IGSF11: variants seen among roughly 807,000 people sequenced by gnomAD.
The protein encoded by IGSF11 is immunoglobulin superfamily member 11.
IGSF11 carries 22 observed loss-of-function variants against 41.0 expected under a neutral mutation model. The observed-to-expected ratio is 0.54, with a 90% CI of 0.38 to 0.77. IGSF11 has a LOEUF of 0.77. Among genes scored for constraint, IGSF11 ranks in the 30% least tolerant of loss-of-function variants. The probability of loss-of-function intolerance (pLI) is 0.00; values close to 1 mark genes in which losing one functional copy is unlikely to be tolerated. For synonymous variants in IGSF11, 219 were observed against 201.3 expected, an observed-to-expected ratio of 1.09 and a Z score of -0.74; for missense variants, 444 against 530.8, an observed-to-expected ratio of 0.84 and a Z score of 1.61.
chr3:119,012,893 C>G (rs1161133213), intron 1 of IGSF11: 2 of 152,246 alleles, frequency 1.3e-5, no homozygotes, highest in East Asian at 3.9e-4. Flanking sequence ...AGTTATTCCT[C>G]TATTTAAAAC....
chr3:119,077,124 T>G (rs1023995952), intron 1 of IGSF11, among the ~76,000 whole-genome samples: 2 of 152,166 alleles, frequency 1.3e-5, no homozygotes, highest in Non-Finnish European at 1.5e-5. Context: ...TGTAGGGACA[T>G]GGATGAAGCT....
Position 118,902,563 on chromosome 3 carries a change from G to A in IGSF11, c.1253C>T (p.Pro418Leu). The change falls in exon 7 of 7, where the codon CCT becomes CTT. Residue 418 changes from proline to leucine, a missense_variant. This residue lies in a region of IGSF11 where 223 missense variants were observed against 226.2 expected (regional missense o/e 0.99). Transcript: ENST00000393775. ...HATLERIGAV[P>L]VMVPAQSRAG... ...CCGACTCTGGGCTGGTACCATGACA[G>A]GTACTGCACCAATTCGTTCCAGTGT... 1 of 1,599,520 alleles carries A rather than the reference G, an allele frequency of 6.3e-7. No individual in the cohort carries two copies. Among genetic ancestry groups the A allele is most frequent in the Non-Finnish European group, 8.5e-7 (1 of 1,171,104 alleles).
chr3:119,001,869 C>T (rs76691138), intron 1 of IGSF11, among the ~76,000 whole-genome samples: 8 of 125,198 alleles, frequency 6.4e-5, no homozygotes, highest in South Asian at 5.7e-4. Context: ...TCCAGTCTAT[C>T]GTTGTTGGAC....
At chr3:118,934,841 A>T (rs919046175) in intron 1 of IGSF11, among the ~76,000 whole-genome samples, 2 of 152,094 alleles carry the variant, frequency 1.3e-5, no homozygotes, top group Non-Finnish European at 2.9e-5. Flanking sequence ...CATTTTACCA[A>T]CTAAATTTCT....
intron 1 of IGSF11, among the ~76,000 whole-genome samples, chr3:118,938,076 T>C (rs1461580730): frequency 6.6e-6 from 1 of 152,142 alleles, no homozygotes; most frequent in African/African-American, 2.4e-5. Flanking sequence ...TATGCATATG[T>C]GTATATACAT....
At chr3:118,988,119 C>T (rs1224492471) in intron 1 of IGSF11, among the ~76,000 whole-genome samples, 6 of 152,078 alleles carry the variant, frequency 3.9e-5, no homozygotes, top group Non-Finnish European at 5.9e-5. Context: ...GGGCCAAGAG[C>T]AGCTAATACA....
At chr3:118,949,214 A>C (rs1026073510) in intron 1 of IGSF11, 16 of 152,062 alleles carry the variant, frequency 1.1e-4, no homozygotes, top group African/African-American at 3.9e-4. Flanking sequence ...CAAAACAAAG[A>C]ACAAAGATTT....
intron 1 of IGSF11, among the ~76,000 whole-genome samples, chr3:119,050,447 T>C (rs1367337801): frequency 2.0e-5 from 3 of 152,074 alleles, no homozygotes; most frequent in Non-Finnish European, 4.4e-5. Flanking sequence ...CACAATGAGA[T>C]ACCATCTCAC....
At chr3:118,982,973 C>G (rs1045357225) in intron 1 of IGSF11, among the ~76,000 whole-genome samples, 1 of 152,198 alleles carries the variant, frequency 6.6e-6, no homozygotes, top group African/African-American at 2.4e-5. Context: ...GCAGCCTCCA[C>G]AATCCACATG....
intron 1 of IGSF11, among the ~76,000 whole-genome samples, chr3:119,136,300 G>A (rs562250961): frequency 6.6e-6 from 1 of 151,982 alleles, no homozygotes; most frequent in Non-Finnish European, 1.5e-5. Flanking sequence ...CAAAACAGCA[G>A]GAATCAGTTC....
chr3:118,931,376 T>C (rs1409340937), intron 1 of IGSF11, among the ~76,000 whole-genome samples: 1 of 152,232 alleles, frequency 6.6e-6, no homozygotes, highest in Non-Finnish European at 1.5e-5. Flanking sequence ...GCATTATTTA[T>C]ATCATGTCCT....
chr3:118,950,664 T>C (rs1245662124), intron 1 of IGSF11, among the ~76,000 whole-genome samples: 4 of 152,004 alleles, frequency 2.6e-5, no homozygotes, highest in Non-Finnish European at 4.4e-5. Flanking sequence ...TAATAATGTA[T>C]AAATGATTCC....
chr3:118,920,710 T>C (rs942926044), intron 4 of IGSF11, among the ~76,000 whole-genome samples: 1 of 152,174 alleles, frequency 6.6e-6, no homozygotes, highest in Non-Finnish European at 1.5e-5. Context: ...GGCATAATTA[T>C]AAGAACAAAT....
At chr3:119,032,276 T>G (rs1940477451) in intron 1 of IGSF11, among the ~76,000 whole-genome samples, 1 of 152,198 alleles carries the variant, frequency 6.6e-6, no homozygotes, top group African/African-American at 2.4e-5. Flanking sequence ...CCTCCTGCTA[T>G]TCCACATTGA....
At chr3:119,061,496 C>CTCCAAGT (rs1942050682) in intron 1 of IGSF11, among the ~76,000 whole-genome samples, 1 of 152,256 alleles carries the variant, frequency 6.6e-6, no homozygotes, top group East Asian at 1.9e-4. Context: ...ACCCTTGCAT[C>CTCCAAGT]CTCCAAGTGG....
chr3:119,122,676 G>A (rs2077349420), intron 1 of IGSF11, among the ~76,000 whole-genome samples: 1 of 152,176 alleles, frequency 6.6e-6, no homozygotes. Flanking sequence ...ATTTTGTCTT[G>A]CATTTTGGGT....
upstream of IGSF11, among the ~76,000 whole-genome samples, chr3:119,109,190 T>G (rs1273420649): frequency 3.6e-5 from 5 of 137,738 alleles, 1 homozygote; most frequent in East Asian, 4.1e-4. Context: ...GTACCTCTGG[T>G]AGAATTCGGC....
chr3:118,917,725 G>A lies in IGSF11; in HGVS notation c.580+8376C>T, dbSNP rs1420778104. ...CCTTCTGAAACTATTCCAATCAATA[G>A]AAAAAGAGGGAATCCTCCCTAACTC... On this transcript the variant is annotated intron_variant, in intron 4 of 6. Coordinates refer to ENST00000393775, the MANE Select transcript of IGSF11 (RefSeq NM_001015887.3). Among the ~76,000 whole-genome samples the A allele has an allele frequency of 5.4e-5, 8 of 147,286 alleles. No individual in the cohort carries two copies. The South Asian group carries it at 6.9e-4, about 13-fold the overall frequency.
chr3:118,949,339 A>G (rs977511980), intron 1 of IGSF11: 5 of 152,110 alleles, frequency 3.3e-5, no homozygotes, highest in Non-Finnish European at 7.3e-5. Context: ...AAAAAAAAAA[A>G]AAAAAGTTAT....
Sources: allele counts gnomAD v4.1 joint callset (sites outside exome capture counted in the v4.1 genomes callset), GRCh38; gene constraint gnomAD v4.1.1; regional missense constraint gnomAD v4.1.1; transcripts MANE v1.5; gene names NCBI Gene and HGNC (gene_info 2026-07-23, HGNC 2026-07-21).